NTRK1: variants seen among roughly 807,000 people sequenced by gnomAD.
NTRK1 encodes the protein high affinity nerve growth factor receptor.
A neutral mutation model predicts 86.8 loss-of-function variants in NTRK1; 62 were observed. The observed-to-expected ratio is 0.71, with a 90% confidence interval of 0.58 to 0.88. The LOEUF (loss-of-function observed/expected upper bound fraction) is 0.88, where lower values mean the gene tolerates loss of function less well. Among genes scored for constraint, NTRK1 ranks in the 40% least tolerant of loss-of-function variants. The probability of loss-of-function intolerance (pLI) is 0.00; values close to 1 mark genes in which losing one functional copy is unlikely to be tolerated. For synonymous variants in NTRK1, 469 were observed against 456.6 expected, an observed-to-expected ratio of 1.03 and a Z score of -0.35; for missense variants, 967 against 1,078.4, an observed-to-expected ratio of 0.90 and a Z score of 1.45.
rs746910337 is a variant in NTRK1, at chr1:156,876,473, A to G, written c.1706A>G (p.His569Arg). The part of the protein sequence containing the change: ...REAELLTMLQ[H>R]QHIVRFFGVC... ...GCTGAGCTGCTCACCATGCTGCAGCACCAGCACATCGTGCGCTTCTTCGGC... is the reference window on the plus strand; with the variant it reads ...GCTGAGCTGCTCACCATGCTGCAGCGCCAGCACATCGTGCGCTTCTTCGGC... The change falls in exon 14 of 17, where the codon CAC (histidine) becomes CGC (arginine). Residue 569 changes from histidine to arginine, a missense_variant. By Grantham distance (29) the His-to-Arg change is conservative. Coordinates refer to ENST00000524377, the MANE Select transcript of NTRK1 (RefSeq NM_002529.4). 2 of 1,613,820 alleles carry G rather than the reference A, an allele frequency of 1.2e-6. No individual in the cohort carries two copies. The highest frequency in any genetic ancestry group is 1.7e-6 in the Non-Finnish European group (2 of 1,179,986).
chr1:156,844,299 C>CAGAGGGCAA, intron 2 of NTRK1: 1 of 1,597,762 alleles, frequency 6.3e-7, no homozygotes. Flanking sequence ...CAGAGGGCAG[C>CAGAGGGCAA]AGAGGGTAGA....
chr1:156,846,261 A>C (rs1655004625), intron 2 of NTRK1: 2 of 944,506 alleles, frequency 2.1e-6, no homozygotes, highest in South Asian at 3.5e-5. Context: ...CCTAGAACTC[A>C]GTGTTTTGTT....
intron 1 of NTRK1, chr1:156,840,665 T>TC: frequency 1.7e-6 from 1 of 596,904 alleles, no homozygotes; most frequent in Non-Finnish European, 3.0e-6. Flanking sequence ...CTGCTTGCTC[T>TC]CCCCCGAGGG....
chr1:156,831,195 T>A (rs1405712537), intron 1 of NTRK1, among the ~76,000 whole-genome samples: 1 of 152,072 alleles, frequency 6.6e-6, no homozygotes, highest in South Asian at 2.1e-4. Flanking sequence ...TAAGAAGTCA[T>A]GGGTGGAGAG....
At chr1:156,830,857 G>T (rs551952234) in intron 1 of NTRK1, among the ~76,000 whole-genome samples, 1 of 152,346 alleles carries the variant, frequency 6.6e-6, no homozygotes, top group African/African-American at 2.4e-5. Context: ...GCCCAGCAAG[G>T]TTCTGGGATT....
intron 1 of NTRK1, among the ~76,000 whole-genome samples, chr1:156,829,851 C>A (rs1654422082): frequency 6.6e-6 from 1 of 152,186 alleles, no homozygotes; most frequent in Admixed American, 6.5e-5. Context: ...GGGGGTTTCA[C>A]CACGTTGGCC....
chr1:156,844,900 CA>C (rs1486877622), intron 2 of NTRK1: 2 of 1,604,492 alleles, frequency 1.2e-6, no homozygotes, highest in Admixed American at 3.4e-5. Context: ...ACCTTATGTT[CA>C]AACCCAAGCT....
chr1:156,870,907 T>A (rs751894593), intron 6 of NTRK1, among the ~76,000 whole-genome samples: 29 of 152,362 alleles, frequency 1.9e-4, no homozygotes, highest in Middle Eastern at 3.4e-3. Flanking sequence ...GATTCAATCC[T>A]GACGATGATT....
intron 1 of NTRK1, among the ~76,000 whole-genome samples, chr1:156,834,561 A>C (rs1163196536): frequency 3.9e-5 from 6 of 152,178 alleles, no homozygotes; most frequent in Non-Finnish European, 8.8e-5. Flanking sequence ...GTGTGATCTT[A>C]GGCGAGTCAT....
chr1:156,836,596 C>T (rs1654604380), intron 1 of NTRK1, among the ~76,000 whole-genome samples: 1 of 152,172 alleles, frequency 6.6e-6, no homozygotes, highest in South Asian at 2.1e-4. Flanking sequence ...CTGTGAGTGC[C>T]TCCCTTATGC....
At chr1:156,845,267 C>T (rs760160773) in intron 2 of NTRK1, 1 of 1,612,168 alleles carries the variant, frequency 6.2e-7, no homozygotes, top group East Asian at 2.2e-5. Context: ...CCGGAGGGGC[C>T]CAGCTGCCCG....
At chr1:156,869,010 T>G (rs1647364230) in intron 6 of NTRK1, among the ~76,000 whole-genome samples, 2 of 47,122 alleles carry the variant, frequency 4.2e-5, no homozygotes, top group Admixed American at 1.8e-4. Flanking sequence ...TACATCACTT[T>G]TCTCTCTCCC....
intron 12 of NTRK1, 63 bp from the exon 13 acceptor site, chr1:156,876,017 C>G (rs932328554): frequency 1.2e-5 from 20 of 1,612,792 alleles, no homozygotes; most frequent in African/African-American, 5.3e-5. Flanking sequence ...CCAAGACAGT[C>G]CCCGCTACAA....
At position 156,868,453 on chromosome 1, in the gene NTRK1, G is replaced by C. The variant is rs1012776087; in HGVS notation, c.575-52G>C. 5 of 1,550,220 alleles carry C rather than the reference G, an allele frequency of 3.2e-6. No individual in the cohort carries two copies. The African/African-American group carries it at 6.8e-5, about 21-fold the overall frequency. On this transcript the variant is annotated intron_variant, in intron 5 of 16. Coordinates refer to ENST00000524377, the MANE Select transcript of NTRK1 (RefSeq NM_002529.4). ...GAGCAGCCCCGCAGTAGAGTTCTGG[G>C]GCCACTCCCAGCTCTAACACCCCTT...
At chr1:156,871,820 G>T in intron 7 of NTRK1, 65 bp downstream of exon 7, 1 of 1,606,626 alleles carries the variant, frequency 6.2e-7, no homozygotes, top group Non-Finnish European at 8.5e-7. Flanking sequence ...AAAAGAGGAT[G>T]TAGGGTGGGG....
At chr1:156,818,833 A>C (rs1571636376) in intron 1 of NTRK1, among the ~76,000 whole-genome samples, 1 of 152,190 alleles carries the variant, frequency 6.6e-6, no homozygotes, top group Admixed American at 6.6e-5. Flanking sequence ...CTTTGAATAG[A>C]CACCCAGTAG....
intron 1 of NTRK1, chr1:156,840,102 T>G (rs1571652810): frequency 7.5e-6 from 1 of 132,706 alleles, no homozygotes; most frequent in East Asian, 2.4e-4. Flanking sequence ...TTCTCCAGTC[T>G]TCCCATGAGA....
At chr1:156,845,301 G>T in intron 2 of NTRK1, 2 of 1,612,844 alleles carry the variant, frequency 1.2e-6, no homozygotes, top group Non-Finnish European at 1.7e-6. Context: ...GAGTCCCTGG[G>T]GAGAGCGAGT....
At chr1:156,863,987 T>C (rs890798514) in intron 1 of NTRK1, among the ~76,000 whole-genome samples, 1 of 152,136 alleles carries the variant, frequency 6.6e-6, no homozygotes, top group Non-Finnish European at 1.5e-5. Flanking sequence ...TGCAGGCACA[T>C]GTGCAGGTGC....
Sources: gnomAD v4.1 joint callset for allele counts (sites outside exome capture counted in the v4.1 genomes callset) on GRCh38, gnomAD v4.1.1 for gene constraint, MANE v1.5 for transcripts, NCBI Gene and HGNC (gene_info 2026-07-23, HGNC 2026-07-21) for gene names.